SEMA4D: variants seen among roughly 807,000 people sequenced by gnomAD.
SEMA4D encodes semaphorin-4D.
SEMA4D carries 22 observed loss-of-function variants against 74.8 expected under a neutral mutation model. That is an observed-to-expected ratio of 0.29 (90% CI 0.21 to 0.42). The LOEUF is 0.42. SEMA4D is among the 10% of genes least tolerant of loss of function. The pLI, the probability that SEMA4D is intolerant of heterozygous loss-of-function variation, is 1.00. For synonymous variants in SEMA4D, 445 were observed against 463.7 expected (o/e 0.96, Z 0.52); for missense variants, 937 against 1,118.4 (o/e 0.84, Z 2.31).
Position 89,426,086 on chromosome 9 carries a change from C to T in SEMA4D, c.-243-20387G>A, listed in dbSNP as rs139663154. 2.1e-3 allele frequency among the ~76,000 whole-genome samples: 327 copies of T among 152,336 alleles called. 1 individual carries two copies. Among genetic ancestry groups the T allele is most frequent in the African/African-American group, 6.9e-3 (287 of 41,572 alleles). ...GCATCCCTAGTCCCCACCAAGTGTC[C>T]GCAGGGGGAGCGCATGCAGTTTCTC... On this transcript the variant is annotated intron_variant, in intron 2 of 15. Coordinates refer to ENST00000422704, the MANE Select transcript of SEMA4D (RefSeq NM_001371194.2).
chr9:89,450,572 C>T lies in SEMA4D; in HGVS notation c.-244+5316G>A, dbSNP rs1052604770. 1.3e-4 allele frequency: 126 copies of T among 962,804 alleles called. No individual in the cohort carries two copies. The Admixed American group carries it at 2.2e-3, about 17-fold the overall frequency. 59.6% of individuals were successfully genotyped at this position (962,804 alleles called of 1,614,324 possible). A position where few individuals can be genotyped will look rare whatever the true frequency, so the allele number is the denominator to read the frequency against. ...CCATGCAGATAACCAGTGGTCCCTT[C>T]CAGCCTGACCTCTATAAGTCTGAGA... is the stretch of plus-strand genomic sequence containing the variant. On this transcript the variant is annotated intron_variant, in intron 2 of 15. Transcript: ENST00000422704.
chr9:89,467,671 G>C (rs1462147779), intron 1 of SEMA4D, among the ~76,000 whole-genome samples: 1 of 151,680 alleles, frequency 6.6e-6, no homozygotes, highest in African/African-American at 2.4e-5. Context: ...AGCTGGGATT[G>C]TAGGTGCGCA....
downstream of SEMA4D, among the ~76,000 whole-genome samples, chr9:89,375,710 G>A (rs548690072): frequency 1.4e-4 from 21 of 152,302 alleles, no homozygotes; most frequent in South Asian, 3.1e-3. Flanking sequence ...GGGCTACCAC[G>A]CACTGCCTGA....
In SEMA4D at chr9:89,379,383, T is replaced by C. The variant is rs781138671; in HGVS notation, c.1910A>G (p.Gln637Arg). 1 of 1,614,224 alleles carries C rather than the reference T, an allele frequency of 6.2e-7. No individual in the cohort carries two copies. Among genetic ancestry groups the C allele is most frequent in the Admixed American group, 1.7e-5 (1 of 60,030 alleles). The change falls in exon 16 of 16, where the codon CAA becomes CGA. Residue 637 changes from glutamine (Q) to arginine (R), a missense_variant. Physicochemically the swap from Gln to Arg is conservative, Grantham distance 43 (BLOSUM62 1). Coordinates refer to ENST00000422704, the MANE Select transcript of SEMA4D (RefSeq NM_001371194.2). The stretch of plus-strand genomic sequence containing the variant: ...TTCCAGGACGTGCTTGGCGACCACT[T>C]GGAAGACCGTTTTGTTCTTAACCCT... Reference protein sequence around the residue: ...EERVKNKTVFQVVAKHVLEVK... With the variant: ...EERVKNKTVFRVVAKHVLEVK...
chr9:89,492,957 G>A lies in SEMA4D; in HGVS notation c.-310+4962C>T, dbSNP rs1420565790. On this transcript the variant is annotated intron_variant, in intron 1 of 15. Coordinates refer to ENST00000422704, the MANE Select transcript of SEMA4D (RefSeq NM_001371194.2). This position sits in a 1 kb window ranked among gnomAD's most constrained non-coding sequence, Gnocchi z 4.3. ...TCAACAAACCACTGGCCCCTTAAGC[G>A]GCTGGACCTAGAACTATCTATCTCC... Among the ~76,000 whole-genome samples the A allele has an allele frequency of 2.6e-5, 4 of 152,104 alleles. No homozygotes were observed. The highest frequency in any genetic ancestry group is 2.9e-5 in the Non-Finnish European group (2 of 68,020).
At chr9:89,493,187 G>A (rs1488216039) in intron 1 of SEMA4D, among the ~76,000 whole-genome samples, 1 of 152,188 alleles carries the variant, frequency 6.6e-6, no homozygotes, top group Middle Eastern at 3.2e-3. Context: ...GGGACCAAAC[G>A]TGCCAGCACT....
chr9:89,491,607 G>A (rs1825635418), intron 1 of SEMA4D, among the ~76,000 whole-genome samples: 3 of 151,246 alleles, frequency 2.0e-5, no homozygotes, highest in Non-Finnish European at 4.4e-5. Context: ...ACAAACAGAT[G>A]GCTGGTCCCA....
chr9:89,373,508 C>T (rs907643379), downstream of SEMA4D, among the ~76,000 whole-genome samples: 8 of 152,204 alleles, frequency 5.3e-5, no homozygotes, highest in Non-Finnish European at 1.0e-4. Flanking sequence ...TGAGACGCTC[C>T]CCAAGACACA....
intron 11 of SEMA4D, 53 bp from the exon 12 acceptor site, chr9:89,387,661 G>C: frequency 6.5e-7 from 1 of 1,549,934 alleles, no homozygotes; most frequent in Non-Finnish European, 8.9e-7. Flanking sequence ...CCACGCAACG[G>C]GTGCTTCCAC....
At chr9:89,437,773 C>G (rs1438664967) in intron 2 of SEMA4D, among the ~76,000 whole-genome samples, 1 of 152,332 alleles carries the variant, frequency 6.6e-6, no homozygotes, top group South Asian at 2.1e-4. Context: ...CTCTGAGCCT[C>G]GGAGATGAAC....
rs759561764 is a variant in SEMA4D at position 89,392,521 on chromosome 9, G to A, written c.524C>T (p.Ser175Leu). 21 of 1,613,108 alleles carry A rather than the reference G, an allele frequency of 1.3e-5. No individual in the cohort carries two copies. Among genetic ancestry groups the A allele is most frequent in the Non-Finnish European group, 1.7e-5 (20 of 1,179,266 alleles). Residue 175 changes from serine (S) to leucine (L), a missense_variant, in exon 8 of 16, where the codon TCG becomes TTG. By Grantham distance (145) the Ser-to-Leu change is moderately radical. Coordinates refer to ENST00000422704, the MANE Select transcript of SEMA4D (RefSeq NM_001371194.2). ...TSVMVDGELY[S>L]GTSYNFLGSE... ...TCCCAAAAAATTATACGACGTCCCC[G>A]AATAAAGTTCTCCATCTGCAGGGGC...
chr9:89,428,165 G>A (rs1365845757), intron 2 of SEMA4D, among the ~76,000 whole-genome samples: 1 of 152,098 alleles, frequency 6.6e-6, no homozygotes, highest in Non-Finnish European at 1.5e-5. Flanking sequence ...GTCATGGAGG[G>A]ATACGGCCCC....
intron 2 of SEMA4D, among the ~76,000 whole-genome samples, chr9:89,449,018 G>C (rs1434607594): frequency 1.3e-5 from 2 of 152,136 alleles, no homozygotes; most frequent in African/African-American, 4.8e-5. Flanking sequence ...GTACAGCTGG[G>C]ACATGGAAAA....
rs547528761 is a variant in SEMA4D at position 89,492,788 on chromosome 9, C to T, written c.-310+5131G>A. ...CTGCCTCCCACCCGAGGAGACTGCC[C>T]GAGCTCCTGCAAGGCCCGCCCCGCA... On this transcript the variant is annotated intron_variant, in intron 1 of 15. Transcript: ENST00000422704. This position sits in a 1 kb window ranked among gnomAD's most constrained non-coding sequence, Gnocchi z 4.3. 6.6e-5 allele frequency among the ~76,000 whole-genome samples: 10 copies of T among 152,248 alleles called. No homozygotes were observed. Among genetic ancestry groups the T allele is most frequent in the East Asian group, 1.9e-4 (1 of 5,186 alleles).
At chr9:89,466,487 T>C (rs1292047639) in intron 1 of SEMA4D, among the ~76,000 whole-genome samples, 1 of 152,094 alleles carries the variant, frequency 6.6e-6, no homozygotes, top group Non-Finnish European at 1.5e-5. Flanking sequence ...AACACATGCT[T>C]GACTGCTCTC....
intron 3 of SEMA4D, 108 bp downstream of exon 3, chr9:89,405,243 T>TC: frequency 1.1e-6 from 1 of 897,242 alleles, no homozygotes; most frequent in Non-Finnish European, 1.8e-6. Flanking sequence ...CGCCTCAGCA[T>TC]TCCAGGAAGT....
chr9:89,394,811 G>A (rs1011639782), intron 6 of SEMA4D, among the ~76,000 whole-genome samples: 12 of 152,248 alleles, frequency 7.9e-5, no homozygotes, highest in African/African-American at 1.9e-4. Flanking sequence ...AGGAGGTTTC[G>A]GGGCTGTTGG....
At chr9:89,368,768 G>C (rs953488895) in intron 16 of SEMA4D, 1 of 152,398 alleles carries the variant, frequency 6.6e-6, no homozygotes, top group African/African-American at 2.4e-5. Flanking sequence ...CTTCTGGAAT[G>C]CACCTGTTCA....
intron 16 of SEMA4D, chr9:89,365,743 G>A (rs1215848377): frequency 6.6e-6 from 1 of 152,260 alleles, no homozygotes; most frequent in Non-Finnish European, 1.5e-5. Flanking sequence ...CCAGTTACAG[G>A]TATTAAATGG....
Sources: allele counts gnomAD v4.1 joint callset (sites outside exome capture counted in the v4.1 genomes callset), GRCh38; gene constraint gnomAD v4.1.1; non-coding constraint Gnocchi (gnomAD v3.1); transcripts MANE v1.5; gene names NCBI Gene and HGNC (gene_info 2026-07-23, HGNC 2026-07-21).